Variants in ANXA8 observed in about 807,000 individuals in gnomAD.
The protein encoded by ANXA8 is VAC-beta.
Under a neutral mutation model 26.8 loss-of-function variants are expected in ANXA8, and 9 were observed. The ratio of observed to expected loss-of-function variants is 0.34; its 90% CI spans 0.20 to 0.59. The LOEUF (loss-of-function observed/expected upper bound fraction) is 0.59. Ranked by LOEUF, ANXA8 falls within the 20% of genes least tolerant of loss-of-function variation. The probability of loss-of-function intolerance (pLI) is 0.84; values close to 1 mark genes in which losing one functional copy is unlikely to be tolerated. For synonymous variants in ANXA8, 39 were observed against 94.8 expected, an observed-to-expected ratio of 0.41 and a Z score of 3.42; for missense variants, 83 against 238.5, an observed-to-expected ratio of 0.35 and a Z score of 4.29.
At chr10:47,577,363 C>T in the ANXA8 span, among the ~76,000 whole-genome samples, 1 of 149,042 alleles carries the variant, frequency 6.7e-6, no homozygotes, top group Admixed American at 6.7e-5. Flanking sequence ...AAGGAGACCC[C>T]ATCTCTACAA....
the ANXA8 span, among the ~76,000 whole-genome samples, chr10:47,683,335 G>T: frequency 2.0e-5 from 3 of 146,884 alleles, no homozygotes; most frequent in South Asian, 4.2e-4. Context: ...TTCACGCCAT[G>T]CTCCTGCCTC....
chr10:47,626,897 A>T, the ANXA8 span, among the ~76,000 whole-genome samples: 10 of 149,968 alleles, frequency 6.7e-5, no homozygotes, highest in South Asian at 2.1e-3. Context: ...TTTCCATTTA[A>T]AAACGTTCCA....
the ANXA8 span, among the ~76,000 whole-genome samples, chr10:47,940,974 G>A: frequency 7.0e-6 from 1 of 142,594 alleles, no homozygotes; most frequent in African/African-American, 2.7e-5. Context: ...GGCAGACCAT[G>A]GTCCCCTGCC....
At chr10:47,890,767 TAA>T in the ANXA8 span, among the ~76,000 whole-genome samples, 1 of 93,890 alleles carries the variant, frequency 1.1e-5, no homozygotes, top group Non-Finnish European at 2.3e-5. Context: ...CAAAACAGCC[TAA>T]GACAGGAGGG....
the ANXA8 span, among the ~76,000 whole-genome samples, chr10:47,670,550 T>C: frequency 2.6e-5 from 4 of 152,098 alleles, no homozygotes; most frequent in African/African-American, 9.7e-5. Context: ...CTTTTTATTA[T>C]AGTCATTCTA....
chr10:47,985,120 C>T, the ANXA8 span, among the ~76,000 whole-genome samples: 1 of 128,220 alleles, frequency 7.8e-6, no homozygotes, highest in African/African-American at 2.8e-5. Context: ...TCTCAAAACT[C>T]AACAGTAAAA....
the ANXA8 span, among the ~76,000 whole-genome samples, chr10:47,732,710 T>C: frequency 6.8e-6 from 1 of 146,878 alleles, no homozygotes; most frequent in African/African-American, 2.5e-5. Flanking sequence ...AGATCTGTGC[T>C]GTTTCATTTT....
At chr10:47,565,076 T>C in the ANXA8 span, 1 of 765,250 alleles carries the variant, frequency 1.3e-6, no homozygotes, top group South Asian at 1.4e-5. Flanking sequence ...CGAAGACGCC[T>C]ACAGGTTTGT....
chr10:47,732,784 G>T, the ANXA8 span, among the ~76,000 whole-genome samples: 1 of 141,494 alleles, frequency 7.1e-6, no homozygotes, highest in Non-Finnish European at 1.5e-5. Context: ...TGACAACATT[G>T]GGTGCATGAT....
chr10:47,688,801 AATG>A, the ANXA8 span, among the ~76,000 whole-genome samples: 2 of 144,604 alleles, frequency 1.4e-5, 1 homozygote, highest in Non-Finnish European at 3.0e-5. Context: ...TTGTTATTTA[AATG>A]GGGCAAGTTT....
the ANXA8 span, among the ~76,000 whole-genome samples, chr10:47,592,591 C>T: frequency 6.8e-6 from 1 of 147,930 alleles, no homozygotes; most frequent in African/African-American, 2.6e-5. Flanking sequence ...TTGTTGACAG[C>T]CTGGGAAAAG....
At chr10:47,561,199 A>G in the ANXA8 span, among the ~76,000 whole-genome samples, 27 of 152,066 alleles carry the variant, frequency 1.8e-4, 1 homozygote, top group African/African-American at 6.3e-4. Flanking sequence ...CACTACTGGA[A>G]ACAATTGCAA....
chr10:47,647,929 A>G, the ANXA8 span, among the ~76,000 whole-genome samples: 1 of 151,928 alleles, frequency 6.6e-6, no homozygotes, highest in East Asian at 1.9e-4. Flanking sequence ...TCTCGTGGCC[A>G]CATACGGACT....
the ANXA8 span, among the ~76,000 whole-genome samples, chr10:47,627,640 C>T: frequency 4.9e-4 from 74 of 150,156 alleles, no homozygotes; most frequent in South Asian, 0.015. Context: ...AAATCTATTC[C>T]TAGTACTTAA....
At chr10:47,892,452 T>G in the ANXA8 span, among the ~76,000 whole-genome samples, 70 of 109,722 alleles carry the variant, frequency 6.4e-4, no homozygotes, top group Admixed American at 1.1e-3. Context: ...TTGGGTAGGG[T>G]GGGGGTGGTG....
At chr10:47,777,966 G>C in the ANXA8 span, among the ~76,000 whole-genome samples, 4 of 151,604 alleles carry the variant, frequency 2.6e-5, no homozygotes, top group Admixed American at 6.6e-5. Context: ...TGCAGGTTTG[G>C]TGGGTAGGGG....
the ANXA8 span, among the ~76,000 whole-genome samples, chr10:47,883,406 G>A: frequency 7.9e-5 from 2 of 25,394 alleles, no homozygotes; most frequent in African/African-American, 3.8e-4. Flanking sequence ...TGAAAAGCTG[G>A]ACATCTGAAT....
the ANXA8 span, among the ~76,000 whole-genome samples, chr10:47,982,471 T>TA: frequency 4.1e-5 from 6 of 146,012 alleles, no homozygotes; most frequent in Non-Finnish European, 6.1e-5. Flanking sequence ...TCAAGAGGAT[T>TA]AAAAAAAAGC....
the ANXA8 span, among the ~76,000 whole-genome samples, chr10:47,667,839 G>A: frequency 6.6e-6 from 1 of 152,156 alleles, no homozygotes; most frequent in African/African-American, 2.4e-5. Context: ...CTGGGTTCAA[G>A]CCATTCTCAT....
Sources: allele counts gnomAD v4.1 joint callset (sites outside exome capture counted in the v4.1 genomes callset), GRCh38; gene constraint gnomAD v4.1.1; transcripts MANE v1.5; gene names NCBI Gene and HGNC (gene_info 2026-07-23, HGNC 2026-07-21).